MID1: variants seen among roughly 807,000 people sequenced by gnomAD.
The protein encoded by MID1 is E3 ubiquitin-protein ligase Midline-1.
MID1 carries 7 observed loss-of-function variants against 40.4 expected under a neutral mutation model. That is an observed-to-expected ratio of 0.17 (90% CI 0.10 to 0.33). MID1 has a LOEUF of 0.33. Among genes scored for constraint, MID1 ranks in the 10% least tolerant of loss-of-function variants. MID1 has a pLI of 1.00. For missense variants in MID1, 367 were observed against 558.5 expected (o/e 0.66, Z 3.46); for synonymous variants, 229 against 221.2 (o/e 1.04, Z -0.31).
At chrX:10,781,130 T>C (rs1250889271) in intron 1 of MID1, among the ~76,000 whole-genome samples, 1 of 112,096 alleles carries the variant, frequency 8.9e-6, no homozygotes, top group Non-Finnish European at 1.9e-5. Context: ...AATCAAGCTT[T>C]TGCCTGAGTT....
At chrX:10,590,998 T>C (rs1414796123) in intron 1 of MID1, among the ~76,000 whole-genome samples, 1 of 111,794 alleles carries the variant, frequency 8.9e-6, no homozygotes, top group Non-Finnish European at 1.9e-5. Context: ...CTGTACATTT[T>C]ATCCATTGAA....
chrX:10,469,943 A>G (rs1490155354), intron 6 of MID1, 103 bp from the exon 7 acceptor site: 53 of 748,049 alleles, frequency 7.1e-5, no homozygotes, highest in Non-Finnish European at 1.0e-4. Flanking sequence ...CAATAGGTCC[A>G]TCAGGACTAC....
At chrX:10,464,111 A>G (rs1237450019) in intron 7 of MID1, among the ~76,000 whole-genome samples, 2 of 111,634 alleles carry the variant, frequency 1.8e-5, no homozygotes, top group Non-Finnish European at 3.8e-5. Context: ...TCTGGCATCT[A>G]TGCGTTAAAG....
At chrX:10,771,824 T>A (rs1452048080) in intron 1 of MID1, among the ~76,000 whole-genome samples, 3 of 110,398 alleles carry the variant, frequency 2.7e-5, no homozygotes, top group Admixed American at 9.7e-5. Flanking sequence ...TATCTATTTT[T>A]AATTGATTAT....
chrX:10,487,974 C>T (rs1294449736), intron 4 of MID1, among the ~76,000 whole-genome samples: 1 of 107,519 alleles, frequency 9.3e-6, no homozygotes, highest in Non-Finnish European at 1.9e-5. Context: ...GAAATTTCAC[C>T]TACAAGTCTT....
chrX:10,687,410 G>A (rs1368002805), intron 1 of MID1, among the ~76,000 whole-genome samples: 1 of 111,964 alleles, frequency 8.9e-6, no homozygotes, highest in Non-Finnish European at 1.9e-5. Flanking sequence ...GCTTGGGACT[G>A]CCAAATGCCT....
In MID1 at chrX:10,449,581, A is replaced by G. The variant is rs1928199617; in HGVS notation, c.1791T>C (p.Pro597=). The stretch of plus-strand genomic sequence containing the variant: ...TGCCCACGCGCCGGAGGTGGGGGGC[A>G]GGCTCAATGGGGATTTCCTTGCTAT... ...RHNSKEIPIE[P]APHLRRVGIL... is the part of the protein sequence containing the mutation. Residue 597 remains proline, a synonymous_variant, in exon 10 of 10, where the codon CCT becomes CCC. Coordinates refer to ENST00000317552, the MANE Select transcript of MID1 (RefSeq NM_000381.4). 2 of 1,211,971 alleles carry G rather than the reference A, an allele frequency of 1.7e-6. No individual in the cohort carries two copies. The highest frequency in any genetic ancestry group is 2.2e-6 in the Non-Finnish European group (2 of 895,542).
intron 1 of MID1, among the ~76,000 whole-genome samples, chrX:10,734,312 T>C (rs1342857929): frequency 1.8e-5 from 2 of 111,141 alleles, no homozygotes; most frequent in Admixed American, 9.6e-5. Context: ...TCACATGTTC[T>C]CTCTTATAAG....
rs1481441519 is a variant in MID1 at position 10,447,279 on chromosome X, A to G, written c.*2089T>C. Reference sequence around the variant, plus strand: ...CTTAATATTGAAAAACATTATTTTCATGGAAATATTGTCCTTCTACTAAGT... The same window carrying G: ...CTTAATATTGAAAAACATTATTTTCGTGGAAATATTGTCCTTCTACTAAGT... On this transcript the variant is annotated 3_prime_UTR_variant, in exon 10 of 10. Transcript: ENST00000317552. 1 of 111,864 alleles carries G rather than the reference A, an allele frequency of 8.9e-6. No homozygotes were observed. Among genetic ancestry groups the G allele is most frequent in the Non-Finnish European group, 1.9e-5 (1 of 53,216 alleles). 9.2% of individuals were successfully genotyped at this position (111,864 alleles called of 1,213,427 possible).
At chrX:10,715,222 G>A (rs754787308) in intron 1 of MID1, among the ~76,000 whole-genome samples, 2 of 112,182 alleles carry the variant, frequency 1.8e-5, no homozygotes, top group African/African-American at 3.2e-5. Flanking sequence ...GCAGTGCACC[G>A]AGCCTGAGCT....
chrX:10,718,353 G>C (rs1324315631), intron 1 of MID1, among the ~76,000 whole-genome samples: 1 of 111,772 alleles, frequency 8.9e-6, no homozygotes, highest in Non-Finnish European at 1.9e-5. Flanking sequence ...AATTAAAAAT[G>C]ATAAAGGGGA....
chrX:10,671,045 G>C (rs762393954), intron 1 of MID1, among the ~76,000 whole-genome samples: 1 of 111,624 alleles, frequency 9.0e-6, no homozygotes, highest in African/African-American at 3.3e-5. Flanking sequence ...CCAGGCTAAT[G>C]CTCCATATAA....
chrX:10,810,835 C>T (rs2044094006), intron 1 of MID1, among the ~76,000 whole-genome samples: 1 of 109,906 alleles, frequency 9.1e-6, no homozygotes, highest in Non-Finnish European at 1.9e-5. Context: ...TGATGTACTC[C>T]TCTCTGACAC....
chrX:10,466,204 C>G (rs1408509433), intron 7 of MID1, among the ~76,000 whole-genome samples: 2 of 112,179 alleles, frequency 1.8e-5, no homozygotes, highest in Non-Finnish European at 3.8e-5. Context: ...CTTGGAATTT[C>G]TGATCATCTT....
intron 1 of MID1, among the ~76,000 whole-genome samples, chrX:10,644,457 C>T (rs1055698469): frequency 4.5e-5 from 5 of 110,255 alleles, no homozygotes; most frequent in Non-Finnish European, 9.5e-5. Flanking sequence ...GTTCCCACCA[C>T]GACATTTCTT....
intron 1 of MID1, among the ~76,000 whole-genome samples, chrX:10,569,516 G>GA (rs897700060): frequency 2.7e-5 from 3 of 112,052 alleles, no homozygotes; most frequent in African/African-American, 9.7e-5. Flanking sequence ...GTTAATCATA[G>GA]AAAAAATGTA....
intron 1 of MID1, among the ~76,000 whole-genome samples, chrX:10,694,259 C>T (rs1243981384): frequency 8.9e-6 from 1 of 112,125 alleles, no homozygotes; most frequent in East Asian, 2.8e-4. Flanking sequence ...TTTCTTCTCT[C>T]CTGTTGGTTT....
chrX:10,653,722 T>C (rs2042850086), intron 1 of MID1, among the ~76,000 whole-genome samples: 2 of 113,239 alleles, frequency 1.8e-5, no homozygotes, highest in Non-Finnish European at 3.7e-5. Context: ...ATTATTTTGT[T>C]GATGGAGGTT....
At chrX:10,743,741 C>T (rs754417627) in intron 1 of MID1, among the ~76,000 whole-genome samples, 16 of 112,085 alleles carry the variant, frequency 1.4e-4, no homozygotes, top group African/African-American at 4.9e-4. Context: ...CAAGCTACAA[C>T]GCAGTAGAGA....
Sources: gnomAD v4.1 joint callset for allele counts (sites outside exome capture counted in the v4.1 genomes callset) on GRCh38, gnomAD v4.1.1 for gene constraint, MANE v1.5 for transcripts, NCBI Gene and HGNC (gene_info 2026-07-23, HGNC 2026-07-21) for gene names.